MEI4: variants seen among roughly 807,000 people sequenced by gnomAD.
MEI4 encodes the protein meiosis-specific protein MEI4.
A neutral mutation model predicts 31.4 loss-of-function variants in MEI4; 27 were observed. The observed-to-expected ratio is 0.86, with a 90% CI of 0.63 to 1.19. MEI4 has a LOEUF of 1.19. Among genes scored for constraint, MEI4 ranks in the 50% most tolerant of loss-of-function variants. The probability of loss-of-function intolerance (pLI) is 0.00; values close to 1 mark genes in which losing one functional copy is unlikely to be tolerated. For synonymous variants in MEI4, 122 were observed against 145.4 expected, an observed-to-expected ratio of 0.84 and a Z score of 1.16; for missense variants, 329 against 398.9, an observed-to-expected ratio of 0.82 and a Z score of 1.49.
chr6:77,926,740 A>C lies in MEI4; in HGVS notation c.*3394A>C, dbSNP rs1486455446. On this transcript the variant is annotated 3_prime_UTR_variant, in exon 5 of 5. Transcript: ENST00000684080. Reference sequence around the variant, plus strand: ...TACAAACCAATTATTTGCAAAAATAAAACATACTAAGCTTTAACTTTTGTC... The same window carrying C: ...TACAAACCAATTATTTGCAAAAATACAACATACTAAGCTTTAACTTTTGTC... 6.6e-6 allele frequency: 1 copy of C among 152,012 alleles called. No individual in the cohort carries two copies. The highest frequency in any genetic ancestry group is 2.4e-5 in the African/African-American group (1 of 41,446). The allele number at this position is 152,012 out of a possible 1,614,324, so 9.4% of individuals were successfully genotyped here.
intron 4 of MEI4, among the ~76,000 whole-genome samples, chr6:77,865,272 A>T (rs963099034): frequency 3.7e-4 from 57 of 152,338 alleles, no homozygotes; most frequent in Admixed American, 1.1e-3. Flanking sequence ...AAAACCCTTC[A>T]AAAAATCAAT....
intron 1 of MEI4, among the ~76,000 whole-genome samples, chr6:77,666,631 A>C (rs1768638348): frequency 1.3e-5 from 2 of 152,222 alleles, no homozygotes; most frequent in South Asian, 2.1e-4. Context: ...GTCTGAGGTC[A>C]CATAGCTGGT....
chr6:77,795,856 G>A (rs954482844), intron 3 of MEI4, among the ~76,000 whole-genome samples: 2 of 151,892 alleles, frequency 1.3e-5, no homozygotes, highest in African/African-American at 2.4e-5. Flanking sequence ...ATTAATGCCA[G>A]TCATTTTTCC....
At chr6:77,816,973 T>C (rs1403970544) in intron 3 of MEI4, among the ~76,000 whole-genome samples, 1 of 152,142 alleles carries the variant, frequency 6.6e-6, no homozygotes, top group Non-Finnish European at 1.5e-5. Context: ...TGAATGAAGC[T>C]GTAATTCTGC....
At chr6:77,831,541 CCT>C (rs1199478164) in intron 4 of MEI4, among the ~76,000 whole-genome samples, 1 of 149,692 alleles carries the variant, frequency 6.7e-6, no homozygotes, top group African/African-American at 2.5e-5. Context: ...TAATAATATT[CCT>C]CTCTCTCTAT....
chr6:77,868,821 C>A (rs189819072), intron 4 of MEI4, among the ~76,000 whole-genome samples: 1 of 152,010 alleles, frequency 6.6e-6, no homozygotes, highest in Non-Finnish European at 1.5e-5. Flanking sequence ...CACCTTTACT[C>A]GTGATCCTGT....
At chr6:77,816,809 A>G (rs1226053215) in intron 3 of MEI4, among the ~76,000 whole-genome samples, 4 of 152,184 alleles carry the variant, frequency 2.6e-5, no homozygotes, top group Non-Finnish European at 5.9e-5. Context: ...AATATTACCT[A>G]TGTATGTGTT....
chr6:77,861,326 T>G (rs186015590), intron 4 of MEI4, among the ~76,000 whole-genome samples: 3 of 152,210 alleles, frequency 2.0e-5, no homozygotes, highest in African/African-American at 7.2e-5. Context: ...TCTAAAAGCT[T>G]GATAAAGTTT....
intron 2 of MEI4, among the ~76,000 whole-genome samples, chr6:77,701,268 A>C (rs1448879646): frequency 6.6e-6 from 1 of 152,136 alleles, no homozygotes; most frequent in Non-Finnish European, 1.5e-5. Context: ...GATGAGAAAG[A>C]CTCACATCAC....
intron 1 of MEI4, among the ~76,000 whole-genome samples, chr6:77,679,835 G>T (rs942215013): frequency 7.3e-5 from 11 of 151,352 alleles, no homozygotes; most frequent in African/African-American, 2.4e-4. Context: ...CCGCCTCCTG[G>T]GTTCAAGCGA....
chr6:77,787,124 C>T (rs1768757064), intron 3 of MEI4, among the ~76,000 whole-genome samples: 2 of 151,930 alleles, frequency 1.3e-5, no homozygotes, highest in Admixed American at 1.3e-4. Context: ...TTCCCAGAGG[C>T]AGATATGCAG....
chr6:77,849,158 T>C (rs1307887652), intron 4 of MEI4, among the ~76,000 whole-genome samples: 1 of 152,154 alleles, frequency 6.6e-6, no homozygotes, highest in Non-Finnish European at 1.5e-5. Flanking sequence ...CATTTATATA[T>C]TAACCTAAAA....
intron 2 of MEI4, among the ~76,000 whole-genome samples, chr6:77,706,719 A>G (rs985433834): frequency 6.6e-6 from 1 of 152,082 alleles, no homozygotes; most frequent in African/African-American, 2.4e-5. Flanking sequence ...TGAGTTCCCT[A>G]TGAGTTCATG....
chr6:77,887,608 A>G (rs868291061), intron 4 of MEI4, among the ~76,000 whole-genome samples: 4 of 152,032 alleles, frequency 2.6e-5, no homozygotes, highest in Non-Finnish European at 5.9e-5. Flanking sequence ...CTTAATATTT[A>G]TTTCTAGTTT....
intron 4 of MEI4, among the ~76,000 whole-genome samples, chr6:77,875,819 C>A (rs1199909269): frequency 6.6e-6 from 1 of 152,062 alleles, no homozygotes; most frequent in African/African-American, 2.4e-5. Context: ...TTAATCTTGG[C>A]ACTTTGGGGG....
At position 77,926,715 on chromosome 6, in the gene MEI4, T is replaced by C. The variant is rs570534765; in HGVS notation, c.*3369T>C. The C allele has an allele frequency of 6.6e-6, 1 of 152,076 alleles. No homozygotes were observed. The highest frequency in any genetic ancestry group is 2.4e-5 in the African/African-American group (1 of 41,544). 9.4% of individuals were successfully genotyped at this position (152,076 alleles called of 1,614,324 possible). On this transcript the variant is annotated 3_prime_UTR_variant, in exon 5 of 5. Coordinates refer to ENST00000684080, the MANE Select transcript of MEI4 (RefSeq NM_001322247.2). ...CATCAAATATGAAGCACCAATTGTC[T>C]ACAAACCAATTATTTGCAAAAATAA...
At chr6:77,826,322 T>A (rs1358018187) in intron 3 of MEI4, among the ~76,000 whole-genome samples, 1 of 152,174 alleles carries the variant, frequency 6.6e-6, no homozygotes, top group East Asian at 1.9e-4. Context: ...AAGAAAGATA[T>A]GACTTTGTTC....
At chr6:77,685,904 C>T (rs149388144) in intron 1 of MEI4, among the ~76,000 whole-genome samples, 1 of 152,218 alleles carries the variant, frequency 6.6e-6, no homozygotes, top group East Asian at 1.9e-4. Flanking sequence ...TATTTGTCCC[C>T]TCCAAATCTC....
intron 3 of MEI4, among the ~76,000 whole-genome samples, chr6:77,815,294 G>A (rs1158700780): frequency 1.3e-5 from 2 of 151,994 alleles, no homozygotes; most frequent in Non-Finnish European, 2.9e-5. Context: ...ACTAATATCC[G>A]AGATCCATGT....
Sources: allele counts gnomAD v4.1 joint callset (sites outside exome capture counted in the v4.1 genomes callset), GRCh38; gene constraint gnomAD v4.1.1; transcripts MANE v1.5; gene names NCBI Gene and HGNC (gene_info 2026-07-23, HGNC 2026-07-21).